The following ZFHX3 variants were observed in gnomAD, a reference collection of about 807,000 sequenced individuals.
ZFHX3 encodes the protein zinc finger homeobox protein 3.
In ZFHX3, 42 loss-of-function variants were observed where a neutral mutation model predicts 279.1. The observed-to-expected ratio is 0.15, with a 90% CI of 0.12 to 0.19. ZFHX3 has a LOEUF of 0.19. Ranked by LOEUF, ZFHX3 falls within the 10% of genes least tolerant of loss-of-function variation. The pLI is 1.00. For missense variants in ZFHX3, 4,981 were observed against 4,754.0 expected (o/e 1.05, Z -1.40); for synonymous variants, 2,293 against 1,957.8 (o/e 1.17, Z -4.52).
At chr16:73,409,390 A>G (rs1187547800) in intron 3 of ZFHX3, among the ~76,000 whole-genome samples, 1 of 152,202 alleles carries the variant, frequency 6.6e-6, no homozygotes, top group Admixed American at 6.5e-5. Context: ...GACTCCTGGA[A>G]CATGCTTGCA....
At chr16:73,846,277 A>T (rs1249337705) in intron 1 of ZFHX3, among the ~76,000 whole-genome samples, 1 of 152,108 alleles carries the variant, frequency 6.6e-6, no homozygotes, top group African/African-American at 2.4e-5. Flanking sequence ...GAAATACTGA[A>T]ATTTCTGTCT....
chr16:73,600,249 T>C (rs1422493670), intron 2 of ZFHX3, among the ~76,000 whole-genome samples: 1 of 152,126 alleles, frequency 6.6e-6, no homozygotes, highest in Non-Finnish European at 1.5e-5. Context: ...GCATCATCCC[T>C]TTCATCCCTG....
intron 1 of ZFHX3, among the ~76,000 whole-genome samples, chr16:73,839,010 A>C (rs1268099498): frequency 6.6e-6 from 1 of 152,062 alleles, no homozygotes; most frequent in African/African-American, 2.4e-5. Context: ...AGCAGAATGA[A>C]ATCCTACCAG....
intron 1 of ZFHX3, among the ~76,000 whole-genome samples, chr16:73,752,834 C>G (rs1433623576): frequency 6.6e-6 from 1 of 152,196 alleles, no homozygotes; most frequent in African/African-American, 2.4e-5. Context: ...AGTATGGACA[C>G]TCTTTCAGAA....
intron 1 of ZFHX3, among the ~76,000 whole-genome samples, chr16:73,791,872 G>A (rs1959834928): frequency 6.6e-6 from 1 of 152,194 alleles, no homozygotes; most frequent in Non-Finnish European, 1.5e-5. Flanking sequence ...GTATTCTCAA[G>A]TATTGTCTTC....
At chr16:72,898,109 C>T (rs2038943319) in intron 3 of ZFHX3, among the ~76,000 whole-genome samples, 1 of 152,184 alleles carries the variant, frequency 6.6e-6, no homozygotes, top group South Asian at 2.1e-4. Context: ...TTTAGGAAGA[C>T]TCCTGGAAGG....
chr16:73,307,587 A>G (rs2015212117), intron 4 of ZFHX3, among the ~76,000 whole-genome samples: 1 of 152,222 alleles, frequency 6.6e-6, no homozygotes. Flanking sequence ...GGTAGGTACC[A>G]CAGCTGGAGA....
At chr16:73,502,273 G>A (rs1040913960) in intron 2 of ZFHX3, among the ~76,000 whole-genome samples, 3 of 152,372 alleles carry the variant, frequency 2.0e-5, no homozygotes, top group South Asian at 2.1e-4. Context: ...GACCTGCCAG[G>A]CAGTGTCAGA....
At chr16:73,438,747 T>C (rs565889071) in intron 3 of ZFHX3, among the ~76,000 whole-genome samples, 2 of 152,364 alleles carry the variant, frequency 1.3e-5, no homozygotes, top group African/African-American at 4.8e-5. Flanking sequence ...AACTCTTTCC[T>C]TATTTTCAGC....
chr16:73,362,183 C>T (rs763873070), intron 3 of ZFHX3, among the ~76,000 whole-genome samples: 12 of 152,166 alleles, frequency 7.9e-5, no homozygotes, highest in Non-Finnish European at 1.5e-4. Flanking sequence ...ACATTCCCTA[C>T]GTAAGGAATA....
At chr16:73,508,353 G>A (rs1302917199) in intron 2 of ZFHX3, among the ~76,000 whole-genome samples, 3 of 152,156 alleles carry the variant, frequency 2.0e-5, no homozygotes, top group African/African-American at 7.2e-5. Flanking sequence ...AAAGAAGGAG[G>A]AGAAAGAGGA....
chr16:73,386,218 C>CTT (rs1189766124), intron 3 of ZFHX3, among the ~76,000 whole-genome samples: 2 of 152,140 alleles, frequency 1.3e-5, no homozygotes, highest in African/African-American at 4.8e-5. Flanking sequence ...CTCTCTCTTT[C>CTT]TCTCTCTGTT....
Position 72,900,557 on chromosome 16 carries a change from CT to C in ZFHX3, c.3217-10596del, listed in dbSNP as rs571755169. Among the ~76,000 whole-genome samples, 624 of 152,336 alleles carry C rather than the reference CT, an allele frequency of 4.1e-3. 6 individuals are homozygous for C. Among genetic ancestry groups the C allele is most frequent in the Non-Finnish European group, 6.2e-3 (424 of 68,034 alleles). ...ATTTGAGACAGTGATGGTCTTTCTA[CT>C]GTAAGTCCAGATGTTGCTTCGTCGC... On this transcript the variant is annotated intron_variant, in intron 3 of 9. Coordinates refer to ENST00000268489, the MANE Select transcript of ZFHX3 (RefSeq NM_006885.4).
intron 4 of ZFHX3, among the ~76,000 whole-genome samples, chr16:73,285,758 G>A (rs933196994): frequency 6.6e-6 from 1 of 152,164 alleles, no homozygotes; most frequent in African/African-American, 2.4e-5. Flanking sequence ...CTAGGATACA[G>A]CAGGCTCTGG....
At chr16:73,445,118 G>A (rs28729546) in intron 3 of ZFHX3, among the ~76,000 whole-genome samples, 8 of 152,056 alleles carry the variant, frequency 5.3e-5, no homozygotes, top group Admixed American at 4.6e-4. Context: ...CTGGGTGACA[G>A]AACGAGACTG....
In ZFHX3 at chr16:72,783,625, G is replaced by T. The variant is rs1358608863; in HGVS notation, c.*3539C>A. On this transcript the variant is annotated 3_prime_UTR_variant, in exon 10 of 10. Transcript: ENST00000268489. ...TCCTAGATGTATTAAATTTTTCCTT[G>T]TGTAGATATGTGGTTTTTGGAAGGA... The T allele has an allele frequency of 6.6e-6, 1 of 152,062 alleles. No homozygotes were observed. Among genetic ancestry groups the T allele is most frequent in the African/African-American group, 2.4e-5 (1 of 41,382 alleles). 9.4% of individuals were successfully genotyped at this position (152,062 alleles called of 1,614,324 possible). A position where few individuals can be genotyped will look rare whatever the true frequency, so the allele number is the denominator to read the frequency against.
chr16:73,044,812 G>T (rs1965233581), intron 1 of ZFHX3, among the ~76,000 whole-genome samples: 1 of 152,032 alleles, frequency 6.6e-6, no homozygotes, highest in Non-Finnish European at 1.5e-5. Context: ...GTAGAGACGG[G>T]GTTTCTCCAT....
rs760408617 is a variant in ZFHX3 at position 72,788,414 on chromosome 16, G to C, written c.9862C>G (p.Leu3288Val). 7.4e-6 allele frequency: 12 copies of C among 1,614,116 alleles called. No homozygotes were observed. Among genetic ancestry groups the C allele is most frequent in the Non-Finnish European group, 9.3e-6 (11 of 1,180,052 alleles). ...GTCAACGCGGCCTGCAGGGCCTGCA[G>C]CTGTGCAGGGTCTACCGCATACTCC... ...TMEYAVDPAQ[L>V]QALQAALTSD... Residue 3288 changes from leucine (L) to valine (V), a missense_variant, in exon 10 of 10, where the codon CTG (leucine) becomes GTG (valine). By Grantham distance (32) the Leu-to-Val change is conservative. Coordinates refer to ENST00000268489, the MANE Select transcript of ZFHX3 (RefSeq NM_006885.4).
intron 1 of ZFHX3, among the ~76,000 whole-genome samples, chr16:73,719,293 G>A (rs114416784): frequency 1.6e-3 from 242 of 152,328 alleles, no homozygotes; most frequent in African/African-American, 5.5e-3. Flanking sequence ...ATGTGAAGCA[G>A]TGAGATCAGG....
Sources: gnomAD v4.1 joint callset for allele counts (sites outside exome capture counted in the v4.1 genomes callset) on GRCh38, gnomAD v4.1.1 for gene constraint, MANE v1.5 for transcripts, NCBI Gene and HGNC (gene_info 2026-07-23, HGNC 2026-07-21) for gene names.